The following FAT1 variants were observed in gnomAD, a reference collection of about 807,000 sequenced individuals.
FAT1 encodes the protein protocadherin Fat 1.
A neutral mutation model predicts 329.8 loss-of-function variants in FAT1; 171 were observed. The observed-to-expected ratio is 0.52, with a 90% CI of 0.46 to 0.59. FAT1 has a LOEUF of 0.59. FAT1 is among the 20% of genes least tolerant of loss of function. FAT1 has a pLI of 0.00. For missense variants in FAT1, 5,672 were observed against 5,774.4 expected (o/e 0.98, Z 0.57); for synonymous variants, 2,233 against 2,228.6 (o/e 1.00, Z -0.06).
At chr4:186,601,796 A>T (rs1738830606) in intron 20 of FAT1, 1 of 164,096 alleles carries the variant, frequency 6.1e-6, no homozygotes, top group South Asian at 1.9e-4. Flanking sequence ...TCCCCAAAGA[A>T]GATGCAAATG....
At chr4:186,605,991 T>TA (rs771502757) in intron 17 of FAT1, 79 bp downstream of exon 17, 1 of 1,333,596 alleles carries the variant, frequency 7.5e-7, no homozygotes, top group Non-Finnish European at 1.0e-6. Context: ...AACCTTTGGA[T>TA]AAGAAAGAAA....
Position 186,595,696 on chromosome 4 carries a change from A to G in FAT1, c.13131T>C (p.Asp4377=), listed in dbSNP as rs745683952. ...SLSSFQSESC[D]DNGYHWDTSD... ...AGCACACTGCTGCCTCACCATTGTC[A>G]TCGCACGATTCGGACTGGAAGGAGC... Residue 4377 remains aspartate (D), a synonymous_variant, in exon 26 of 27, where the codon GAT becomes GAC. Transcript: ENST00000441802. 1.3e-5 allele frequency: 21 copies of G among 1,613,858 alleles called. No individual in the cohort carries two copies. In the Admixed American group the frequency reaches 1.8e-4, roughly 14 times the overall value.
intron 2 of FAT1, among the ~76,000 whole-genome samples, chr4:186,679,938 T>A (rs892500820): frequency 2.0e-5 from 3 of 152,218 alleles, no homozygotes; most frequent in Non-Finnish European, 4.4e-5. Flanking sequence ...AACTACTTCA[T>A]AATTTTATAA....
At chr4:186,713,162 C>T (rs145628228) in intron 1 of FAT1, among the ~76,000 whole-genome samples, 1 of 151,806 alleles carries the variant, frequency 6.6e-6, no homozygotes, top group African/African-American at 2.4e-5. Context: ...CTCATTTTAC[C>T]CAAGGCCTTC....
chr4:186,705,363 T>C (rs1327303791), intron 2 of FAT1, among the ~76,000 whole-genome samples: 1 of 152,280 alleles, frequency 6.6e-6, no homozygotes, highest in Non-Finnish European at 1.5e-5. Context: ...GTGTGTGGTA[T>C]TACTGAATAT....
intron 2 of FAT1, among the ~76,000 whole-genome samples, chr4:186,695,841 A>G (rs907988): frequency 0.31 from 46,833 of 151,454 alleles, 8,843 homozygotes; most frequent in African/African-American, 0.53. Flanking sequence ...CCCCAGGCTG[A>G]AGGGCAGTGG....
At position 186,682,361 on chromosome 4, in the gene FAT1, T is replaced by C. The variant is rs565420640; in HGVS notation, c.3266-18748A>G. ...GGTCAACATGGGGAAACCCCATCTC[T>C]ACTAAAAATACAAAAATTAGCCAGG... On this transcript the variant is annotated intron_variant, in intron 2 of 26. Transcript: ENST00000441802. 6.6e-5 allele frequency among the ~76,000 whole-genome samples: 10 copies of C among 152,070 alleles called. No individual in the cohort carries two copies. In the South Asian group the frequency reaches 1.9e-3, roughly 28 times the overall value.
chr4:186,707,318 A>T lies in FAT1; in HGVS notation c.2510T>A (p.Val837Glu), dbSNP rs1267347442. Residue 837 changes from valine to glutamate, a missense_variant, in exon 2 of 27, where the codon GTA becomes GAA. This residue lies in a region of FAT1 where 3,966 missense variants were observed against 3,915.2 expected (regional missense o/e 1.01). Transcript: ENST00000441802. ...YFVEVSEDKE[V>E]HSEIIQVEAT... ...TTCAACCTGGATGATTTCACTATGT[A>T]CCTCCTTGTCTTCACTCACTTCCAC... 11 of 1,613,820 alleles carry T rather than the reference A, an allele frequency of 6.8e-6. No homozygotes were observed. The highest frequency in any genetic ancestry group is 8.5e-6 in the Non-Finnish European group (10 of 1,179,868).
intron 12 of FAT1, 96 bp downstream of exon 12, chr4:186,614,095 A>C: frequency 1.8e-6 from 2 of 1,130,270 alleles, no homozygotes; most frequent in African/African-American, 1.6e-5. Flanking sequence ...GAAAAGGGCA[A>C]AATGTAATTT....
In FAT1 at chr4:186,621,750, A is replaced by C. The variant is rs1187229671; in HGVS notation, c.4836T>G (p.Ile1612Met). Residue 1612 changes from isoleucine to methionine, a missense_variant, in exon 10 of 27, where the codon ATT becomes ATG. Physicochemically the swap from Ile to Met is conservative, Grantham distance 10. This residue lies in a region of FAT1 where 3,966 missense variants were observed against 3,915.2 expected (regional missense o/e 1.01). Transcript: ENST00000441802. The stretch of plus-strand genomic sequence containing the variant: ...TTTTAATAGAGCCCAAGACAGGATC[A>C]ATCATAAAAGAATTTCCAATATTTC... ...ESGNIGNSFMIDPVLGSIKTA... is the reference protein window; with the variant it reads ...ESGNIGNSFMMDPVLGSIKTA... 3 of 1,577,258 alleles carry C rather than the reference A, an allele frequency of 1.9e-6. No homozygotes were observed. Among genetic ancestry groups the C allele is most frequent in the Non-Finnish European group, 2.6e-6 (3 of 1,165,318 alleles).
chr4:186,689,434 G>A (rs1163484561), intron 2 of FAT1, among the ~76,000 whole-genome samples: 1 of 152,118 alleles, frequency 6.6e-6, no homozygotes, highest in East Asian at 1.9e-4. Context: ...ACCCATCATG[G>A]ACAATTTTTA....
chr4:186,707,460 G>T lies in FAT1; in HGVS notation c.2368C>A (p.Leu790Met). Residue 790 changes from leucine to methionine, a missense_variant, in exon 2 of 27, where the codon CTG becomes ATG. By Grantham distance (15) the Leu-to-Met change is conservative. This residue lies in a region of FAT1 where 3,966 missense variants were observed against 3,915.2 expected (regional missense o/e 1.01). Coordinates refer to ENST00000441802, the MANE Select transcript of FAT1 (RefSeq NM_005245.4). ...LDRETTDKYT[L>M]NITVYDLGIP... ...CCAAGGTCATAGACGGTAATATTCA[G>T]GGTGTATTTGTCTGTTGTTTCACGG... 6.2e-7 allele frequency: 1 copy of T among 1,613,996 alleles called. No homozygotes were observed. The highest frequency in any genetic ancestry group is 2.2e-5 in the East Asian group (1 of 44,882).
At chr4:186,695,517 C>T (rs1743982935) in intron 2 of FAT1, among the ~76,000 whole-genome samples, 1 of 152,142 alleles carries the variant, frequency 6.6e-6, no homozygotes, top group African/African-American at 2.4e-5. Flanking sequence ...TTTAAAAGGG[C>T]TTTCTCAACA....
In FAT1 at chr4:186,709,023, T is replaced by C. The variant is rs1744803846; in HGVS notation, c.805A>G (p.Arg269Gly). Residue 269 changes from arginine to glycine, a missense_variant, in exon 2 of 27, where the codon AGG (arginine) becomes GGG (glycine). This residue lies in a region of FAT1 where 3,966 missense variants were observed against 3,915.2 expected (regional missense o/e 1.01). Transcript: ENST00000441802. ...AVTLSPSELDRDPAYAIVTVD... is the reference protein window; with the variant it reads ...AVTLSPSELDGDPAYAIVTVD... Reference sequence around the variant, plus strand: ...GTCACAATTGCATATGCTGGGTCCCTGTCCAGTTCTGATGGTGACAATGTC... The same window carrying C: ...GTCACAATTGCATATGCTGGGTCCCCGTCCAGTTCTGATGGTGACAATGTC... 4 of 1,614,042 alleles carry C rather than the reference T, an allele frequency of 2.5e-6. No individual in the cohort carries two copies. The South Asian group carries it at 3.3e-5, about 13-fold the overall frequency.
intron 2 of FAT1, among the ~76,000 whole-genome samples, chr4:186,669,900 C>T (rs972508590): frequency 7.2e-5 from 11 of 152,180 alleles, no homozygotes; most frequent in African/African-American, 2.4e-4. Context: ...ATAACTCCTA[C>T]TCCCCGCCAC....
chr4:186,639,167 A>T (rs1013681532), intron 4 of FAT1, among the ~76,000 whole-genome samples: 4 of 152,262 alleles, frequency 2.6e-5, no homozygotes, highest in Non-Finnish European at 5.9e-5. Context: ...CTAGAAGAGC[A>T]CATCTGAGAC....
In FAT1 at chr4:186,588,843, T is replaced by G. The variant is rs779984754; in HGVS notation, c.13516A>C (p.Thr4506Pro). The change falls in exon 27 of 27, where the codon ACT becomes CCT. Residue 4506 changes from threonine (T) to proline (P), a missense_variant. Transcript: ENST00000441802. The stretch of plus-strand genomic sequence containing the variant: ...TCTCTACAAGTACTATTCTCACCAG[T>G]GCCTTTTGTTTGAGGTTCAGACATA... ...LDMSEPQTKG[T>P]GENSTCREPH... The G allele has an allele frequency of 6.2e-7, 1 of 1,613,984 alleles. No individual in the cohort carries two copies. Among genetic ancestry groups the G allele is most frequent in the South Asian group, 1.1e-5 (1 of 91,076 alleles).
Position 186,706,779 on chromosome 4 carries a change from A to G in FAT1, c.3049T>C (p.Tyr1017His), listed in dbSNP as rs1744631256. The change falls in exon 2 of 27, where the codon TAT becomes CAT. Residue 1017 changes from tyrosine (Y) to histidine (H), a missense_variant. Coordinates refer to ENST00000441802, the MANE Select transcript of FAT1 (RefSeq NM_005245.4). Reference sequence around the variant, plus strand: ...ACATCAACCACCTCAACTTCAACATAGCAAGTAGAAGACAGAGAAACTGGC... The same window carrying G: ...ACATCAACCACCTCAACTTCAACATGGCAAGTAGAAGACAGAGAAACTGGC... ...GKPVSLSSTC[Y>H]VEVEVVDVNE... 6.2e-7 allele frequency: 1 copy of G among 1,613,958 alleles called. No homozygotes were observed. The highest frequency in any genetic ancestry group is 8.5e-7 in the Non-Finnish European group (1 of 1,179,876).
rs1739937190 is a variant in FAT1, at chr4:186,619,818, T to G, written c.6768A>C (p.Ala2256=). 1.9e-6 allele frequency: 3 copies of G among 1,614,032 alleles called. No individual in the cohort carries two copies. The highest frequency in any genetic ancestry group is 2.5e-6 in the Non-Finnish European group (3 of 1,179,908). The change falls in exon 10 of 27, where the codon GCA becomes GCC. Residue 2256 remains alanine, a synonymous_variant. Coordinates refer to ENST00000441802, the MANE Select transcript of FAT1 (RefSeq NM_005245.4). ...CATGAGCGCCCGTCAAGGAGTCAGT[T>G]GCGCGTATGCTCAGCTTATATGCCG... is the stretch of plus-strand genomic sequence containing the variant. The part of the protein sequence containing the change: ...AHPAYKLSIR[A]TDSLTGAHAE...
Sources: allele counts gnomAD v4.1 joint callset (sites outside exome capture counted in the v4.1 genomes callset), GRCh38; gene constraint gnomAD v4.1.1; regional missense constraint gnomAD v4.1.1; transcripts MANE v1.5; gene names NCBI Gene and HGNC (gene_info 2026-07-23, HGNC 2026-07-21).